ITGB3BP: variants seen among roughly 807,000 people sequenced by gnomAD.
ITGB3BP encodes integrin subunit beta 3 binding protein, also known as centromere protein R.
A neutral mutation model predicts 29.1 loss-of-function variants in ITGB3BP; 27 were observed. That is an observed-to-expected ratio of 0.93 (90% CI 0.68 to 1.28). The LOEUF (loss-of-function observed/expected upper bound fraction) is 1.28. ITGB3BP is among the 50% of genes most tolerant of loss of function. ITGB3BP has a pLI of 0.00. For missense variants in ITGB3BP, 192 were observed against 200.2 expected, an observed-to-expected ratio of 0.96 and a Z score of 0.25; for synonymous variants, 61 against 61.4, an observed-to-expected ratio of 0.99 and a Z score of 0.03.
At chr1:63,466,974 T>C (rs1345024952) in intron 4 of ITGB3BP, among the ~76,000 whole-genome samples, 4 of 152,106 alleles carry the variant, frequency 2.6e-5, no homozygotes, top group Non-Finnish European at 5.9e-5. Context: ...AGCCTCCACC[T>C]CCTGGGCTCA....
chr1:63,482,374 T>C (rs1480630029), intron 3 of ITGB3BP, among the ~76,000 whole-genome samples: 9 of 150,812 alleles, frequency 6.0e-5, no homozygotes, highest in African/African-American at 1.9e-4. Context: ...ATAAATACTA[T>C]AGGCAATCAT....
At chr1:63,502,596 G>A (rs755500276) in intron 2 of ITGB3BP, among the ~76,000 whole-genome samples, 3 of 150,244 alleles carry the variant, frequency 2.0e-5, no homozygotes, top group Non-Finnish European at 4.4e-5. Flanking sequence ...CATGTGCCGT[G>A]TTGATGTGCT....
upstream of ITGB3BP, chr1:63,523,475 G>C (rs1570357723): frequency 7.6e-6 from 3 of 393,496 alleles, no homozygotes; most frequent in East Asian, 1.5e-4. Context: ...TTTCTAGCCG[G>C]ATCGTTTGGA....
rs142136640 is a variant in ITGB3BP, at chr1:63,494,094, C to G, written c.49-3876G>C. Among the ~76,000 whole-genome samples, 751 of 152,122 alleles carry G rather than the reference C, an allele frequency of 4.9e-3. 3 individuals are homozygous for G. The highest frequency in any genetic ancestry group is 8.4e-3 in the Non-Finnish European group (574 of 67,994). On this transcript the variant is annotated intron_variant, in intron 2 of 8. Coordinates refer to ENST00000271002, the MANE Select transcript of ITGB3BP (RefSeq NM_014288.5). ...CATTAGCTGCCTCAGAGACGTTTCA[C>G]AATTTGGGCCTAAGGTGCCTAGAAG...
At chr1:63,522,366 G>A (rs1301258552) in intron 1 of ITGB3BP, among the ~76,000 whole-genome samples, 1 of 152,142 alleles carries the variant, frequency 6.6e-6, no homozygotes, top group African/African-American at 2.4e-5. Flanking sequence ...GGTTACACTA[G>A]AGGGGGTACC....
intron 8 of ITGB3BP, chr1:63,442,563 G>A (rs1644743621): frequency 6.6e-6 from 1 of 152,172 alleles, no homozygotes. Flanking sequence ...CAGAATTCAA[G>A]ATTTAAACTT....
intron 2 of ITGB3BP, among the ~76,000 whole-genome samples, chr1:63,504,067 G>A (rs1321223725): frequency 6.6e-6 from 1 of 151,842 alleles, no homozygotes; most frequent in Non-Finnish European, 1.5e-5. Flanking sequence ...TTGGTAGCTT[G>A]ATGGGGATGG....
At chr1:63,460,338 T>G (rs1644997194) in intron 4 of ITGB3BP, among the ~76,000 whole-genome samples, 1 of 152,192 alleles carries the variant, frequency 6.6e-6, no homozygotes, top group Non-Finnish European at 1.5e-5. Flanking sequence ...ACCTTTAATC[T>G]CCTTTCTATC....
At chr1:63,496,908 A>G (rs1319020334) in intron 2 of ITGB3BP, among the ~76,000 whole-genome samples, 1 of 152,336 alleles carries the variant, frequency 6.6e-6, no homozygotes, top group Admixed American at 6.5e-5. Context: ...GGTTAGATGA[A>G]GTTGTCTACA....
upstream of ITGB3BP, chr1:63,525,455 T>C: frequency 2.6e-6 from 2 of 772,572 alleles, no homozygotes; most frequent in Non-Finnish European, 3.9e-6. Context: ...ATATATGTTA[T>C]AAATTTTCTT....
At chr1:63,481,956 A>T (rs1397748463) in intron 3 of ITGB3BP, among the ~76,000 whole-genome samples, 1 of 152,136 alleles carries the variant, frequency 6.6e-6, no homozygotes, top group Non-Finnish European at 1.5e-5. Flanking sequence ...CTGTGCTCTT[A>T]ACCATGATGC....
In ITGB3BP at chr1:63,478,790, T is replaced by G; in HGVS notation, c.228A>C (p.Lys76Asn). The G allele has an allele frequency of 6.8e-7, 1 of 1,464,674 alleles. No individual in the cohort carries two copies. The highest frequency in any genetic ancestry group is 9.3e-7 in the Non-Finnish European group (1 of 1,080,518). The allele number at this position is 1,464,674 out of a possible 1,614,324, so 90.7% of individuals were successfully genotyped here. A position where few individuals can be genotyped will look rare whatever the true frequency, so the allele number is the denominator to read the frequency against. Residue 76 changes from lysine to asparagine, a missense_variant, in exon 4 of 9, where the codon AAA becomes AAC. Lys to Asn is a moderately conservative substitution (Grantham distance 94). Transcript: ENST00000271002. Reference protein sequence around the residue: ...KLNHPSLTESKESTTKDNDEF... With the variant: ...KLNHPSLTESNESTTKDNDEF... ...CATCATTGTCTTTTGTTGTAGATTC[T>G]TTGCTTTCAGTTAAACTGGGGTGAT...
At chr1:63,513,585 TAC>T (rs1646247613) in intron 1 of ITGB3BP, among the ~76,000 whole-genome samples, 1 of 152,260 alleles carries the variant, frequency 6.6e-6, no homozygotes, top group African/African-American at 2.4e-5. Context: ...CGTCATCGCT[TAC>T]AGTCTCTCTC....
chr1:63,483,922 GT>G (rs1262832269), intron 3 of ITGB3BP, among the ~76,000 whole-genome samples: 1 of 152,114 alleles, frequency 6.6e-6, no homozygotes, highest in Non-Finnish European at 1.5e-5. Context: ...TGACATCTAG[GT>G]TTGTGTAAGT....
At chr1:63,515,301 G>A (rs576096878) in intron 1 of ITGB3BP, among the ~76,000 whole-genome samples, 227 of 152,150 alleles carry the variant, frequency 1.5e-3, no homozygotes, top group Admixed American at 3.9e-3. Flanking sequence ...GTACCTTTGT[G>A]GGTCTATTTC....
intron 8 of ITGB3BP, among the ~76,000 whole-genome samples, chr1:63,445,709 C>G (rs1418202692): frequency 6.6e-6 from 1 of 151,582 alleles, no homozygotes; most frequent in African/African-American, 2.4e-5. Flanking sequence ...ATCCTCCCAA[C>G]TCAGCCTCCT....
intron 1 of ITGB3BP, among the ~76,000 whole-genome samples, chr1:63,516,062 A>G (rs576840122): frequency 1.5e-4 from 23 of 151,704 alleles, no homozygotes; most frequent in Non-Finnish European, 2.4e-4. Context: ...AAAAAGAATG[A>G]TACCGTGTTG....
intron 4 of ITGB3BP, among the ~76,000 whole-genome samples, chr1:63,460,912 G>A (rs1645005668): frequency 6.6e-6 from 1 of 151,880 alleles, no homozygotes; most frequent in Non-Finnish European, 1.5e-5. Context: ...ATTTTCATGT[G>A]TTTATTGGCA....
chr1:63,488,105 T>C (rs1645566962), intron 3 of ITGB3BP, among the ~76,000 whole-genome samples: 1 of 152,128 alleles, frequency 6.6e-6, no homozygotes, highest in Non-Finnish European at 1.5e-5. Flanking sequence ...TTCATCCTTT[T>C]ATAACTACAA....
Sources: allele counts gnomAD v4.1 joint callset (sites outside exome capture counted in the v4.1 genomes callset), GRCh38; gene constraint gnomAD v4.1.1; transcripts MANE v1.5; gene names NCBI Gene and HGNC (gene_info 2026-07-23, HGNC 2026-07-21).